Variants in PARD3B observed in about 807,000 individuals in gnomAD.
PARD3B encodes par-3 family cell polarity regulator beta.
A neutral mutation model predicts 130.2 loss-of-function variants in PARD3B; 103 were observed. The observed-to-expected ratio is 0.79, with a 90% CI of 0.67 to 0.93. The LOEUF (loss-of-function observed/expected upper bound fraction) is 0.93. PARD3B is among the 40% of genes least tolerant of loss of function. The probability of loss-of-function intolerance (pLI) is 0.00; values close to 1 mark genes in which losing one functional copy is unlikely to be tolerated. For missense variants in PARD3B, 1,609 were observed against 1,499.2 expected, an observed-to-expected ratio of 1.07 and a Z score of -1.21; for synonymous variants, 583 against 553.2, an observed-to-expected ratio of 1.05 and a Z score of -0.76.
intron 20 of PARD3B, among the ~76,000 whole-genome samples, chr2:205,459,567 A>C (rs185388754): frequency 3.9e-5 from 6 of 152,328 alleles, no homozygotes; most frequent in Non-Finnish European, 2.9e-5. Flanking sequence ...TTTTGGAAAC[A>C]CTGAAAAGGT....
intron 18 of PARD3B, among the ~76,000 whole-genome samples, chr2:205,363,602 A>G (rs2044478529): frequency 6.6e-6 from 1 of 152,192 alleles, no homozygotes; most frequent in South Asian, 2.1e-4. Flanking sequence ...GAAAACACAC[A>G]GAGAAAAACC....
chr2:205,615,446 C>T lies in PARD3B; in HGVS notation c.3261-10C>T. ...GAGCTGCTAACATGTGTCTCTTCTT[C>T]TCTTTCCAGGGGAGGACCCGCAGAT... On this transcript the variant is annotated splice_polypyrimidine_tract_variant and intron_variant, in intron 22 of 22. Coordinates refer to ENST00000406610, the MANE Select transcript of PARD3B (RefSeq NM_001302769.2). 2 of 1,572,214 alleles carry T rather than the reference C, an allele frequency of 1.3e-6. No homozygotes were observed. The highest frequency in any genetic ancestry group is 8.6e-7 in the Non-Finnish European group (1 of 1,159,496).
chr2:205,224,135 T>C (rs2038393052), intron 15 of PARD3B, among the ~76,000 whole-genome samples: 1 of 149,932 alleles, frequency 6.7e-6, no homozygotes, highest in Non-Finnish European at 1.5e-5. Context: ...TTTGGGAGGC[T>C]GAGGCAGGCG....
In PARD3B at chr2:205,274,830, A is replaced by G. The variant is rs1331925983; in HGVS notation, c.2186-25700A>G. ...TCAGCAAGTTGTCTATAGTATGTAT[A>G]TCATAATATTACCTTGTGTTTTAAA... is the stretch of plus-strand genomic sequence containing the variant. On this transcript the variant is annotated intron_variant, in intron 16 of 22. Coordinates refer to ENST00000406610, the MANE Select transcript of PARD3B (RefSeq NM_001302769.2). This position sits in a 1 kb window ranked among gnomAD's most constrained non-coding sequence, Gnocchi z 4.2. Among the ~76,000 whole-genome samples, 1 of 152,160 alleles carries G rather than the reference A, an allele frequency of 6.6e-6. No individual in the cohort carries two copies. Among genetic ancestry groups the G allele is most frequent in the Non-Finnish European group, 1.5e-5 (1 of 68,016 alleles).
intron 2 of PARD3B, among the ~76,000 whole-genome samples, chr2:204,798,006 C>T (rs1315732996): frequency 6.6e-6 from 1 of 152,144 alleles, no homozygotes; most frequent in Non-Finnish European, 1.5e-5. Flanking sequence ...GGAATAGAAT[C>T]CTTCAGCAAT....
chr2:204,704,316 G>A (rs191439948), intron 2 of PARD3B, among the ~76,000 whole-genome samples: 1 of 152,290 alleles, frequency 6.6e-6, no homozygotes, highest in East Asian at 1.9e-4. Context: ...TATATGTAAA[G>A]ATGAACGTTG....
At chr2:204,654,077 G>A (rs1455959538) in intron 1 of PARD3B, among the ~76,000 whole-genome samples, 4 of 151,192 alleles carry the variant, frequency 2.6e-5, no homozygotes. Context: ...GTCTTATTGT[G>A]TGGTCCTCTT....
intron 2 of PARD3B, among the ~76,000 whole-genome samples, chr2:204,825,325 C>G (rs1050103326): frequency 6.6e-6 from 1 of 152,120 alleles, no homozygotes; most frequent in Non-Finnish European, 1.5e-5. Flanking sequence ...AAGTGTGGCT[C>G]TCTAGAGGAA....
intron 2 of PARD3B, among the ~76,000 whole-genome samples, chr2:204,708,809 A>AT (rs150847401): frequency 0.014 from 2,071 of 152,076 alleles, 42 homozygotes; most frequent in African/African-American, 0.047. Context: ...TCCTGGTGGC[A>AT]TTTTTTTCAA....
At chr2:205,489,512 T>C (rs1288404815) in intron 20 of PARD3B, among the ~76,000 whole-genome samples, 2 of 139,234 alleles carry the variant, frequency 1.4e-5, no homozygotes, top group Non-Finnish European at 3.1e-5. Flanking sequence ...TATATATACG[T>C]ATATATATAT....
chr2:204,680,099 C>A (rs961627502), intron 1 of PARD3B, among the ~76,000 whole-genome samples: 1 of 151,798 alleles, frequency 6.6e-6, no homozygotes. Context: ...GAGAATTTTT[C>A]TCTTTTTCTA....
intron 20 of PARD3B, among the ~76,000 whole-genome samples, chr2:205,495,888 T>C (rs1399269966): frequency 1.3e-5 from 2 of 152,146 alleles, no homozygotes; most frequent in Admixed American, 1.3e-4. Context: ...TTTGAGGTTT[T>C]AAGATATTGA....
At chr2:205,553,440 T>A in intron 22 of PARD3B, 37 bp downstream of exon 22, 2 of 1,574,922 alleles carry the variant, frequency 1.3e-6, no homozygotes, top group Non-Finnish European at 1.7e-6. Context: ...CCAGCTCACC[T>A]ACAAATGAAG....
chr2:204,653,539 C>T (rs1262924425), intron 1 of PARD3B, among the ~76,000 whole-genome samples: 3 of 150,688 alleles, frequency 2.0e-5, no homozygotes, highest in Admixed American at 6.6e-5. Context: ...GCCTGTAATC[C>T]CAGCACTTTG....
At chr2:205,035,099 G>A (rs1171050421) in intron 3 of PARD3B, among the ~76,000 whole-genome samples, 1 of 151,934 alleles carries the variant, frequency 6.6e-6, no homozygotes, top group East Asian at 1.9e-4. Flanking sequence ...CTAACCTCAG[G>A]TGATCCCCCC....
intron 2 of PARD3B, among the ~76,000 whole-genome samples, chr2:204,739,675 G>C (rs1242431771): frequency 6.6e-6 from 1 of 152,020 alleles, no homozygotes; most frequent in East Asian, 1.9e-4. Flanking sequence ...TGTTACCCAG[G>C]CTGGTCTCAA....
rs772610300 is a variant in PARD3B at position 205,440,635 on chromosome 2, G to A, written c.3007G>A (p.Val1003Ile). ...RDHLEGLYAK[V>I]NKPYHPLVPA... The stretch of plus-strand genomic sequence containing the variant: ...CCACTTAGAGGGTCTCTATGCCAAG[G>A]TCAACAAGCCATACCATCCACTGGT... Residue 1003 changes from valine (V) to isoleucine (I), a missense_variant, in exon 20 of 23, where the codon GTC (valine) becomes ATC (isoleucine). Physicochemically the swap from Val to Ile is conservative, Grantham distance 29. Transcript: ENST00000406610. The surrounding 1 kb of genome is among the most constrained non-coding windows in gnomAD (Gnocchi z 4.2). The A allele has an allele frequency of 6.2e-7, 1 of 1,613,648 alleles. No individual in the cohort carries two copies. Among genetic ancestry groups the A allele is most frequent in the Admixed American group, 1.7e-5 (1 of 59,992 alleles).
At chr2:205,566,612 A>G (rs1456267293) in intron 22 of PARD3B, among the ~76,000 whole-genome samples, 1 of 152,212 alleles carries the variant, frequency 6.6e-6, no homozygotes, top group South Asian at 2.1e-4. Context: ...GGTACCTTTC[A>G]GACTTCCAAA....
intron 18 of PARD3B, among the ~76,000 whole-genome samples, chr2:205,315,174 G>A (rs928097604): frequency 3.9e-5 from 6 of 152,092 alleles, no homozygotes; most frequent in Admixed American, 2.0e-4. Flanking sequence ...GCAATGTAAC[G>A]TAGTAGCAAA....
Sources: allele counts gnomAD v4.1 joint callset (sites outside exome capture counted in the v4.1 genomes callset), GRCh38; gene constraint gnomAD v4.1.1; non-coding constraint Gnocchi (gnomAD v3.1); transcripts MANE v1.5; gene names NCBI Gene and HGNC (gene_info 2026-07-23, HGNC 2026-07-21).